The following MACROH2A1 variants were observed in gnomAD, a reference collection of about 807,000 sequenced individuals.
MACROH2A1 encodes core histone macro-H2A.1.
MACROH2A1 carries 2 observed loss-of-function variants against 31.6 expected under a neutral mutation model. The ratio of observed to expected loss-of-function variants is 0.06; its 90% CI spans 0.03 to 0.20. The LOEUF (loss-of-function observed/expected upper bound fraction) is 0.20, where lower values mean the gene tolerates loss of function less well. Among genes scored for constraint, MACROH2A1 ranks in the 10% least tolerant of loss-of-function variants. MACROH2A1 has a pLI of 1.00. For synonymous variants in MACROH2A1, 169 were observed against 189.6 expected (o/e 0.89, Z 0.89); for missense variants, 230 against 474.0 (o/e 0.49, Z 4.78).
At chr5:135,336,705 A>G (rs1758766075) in intron 8 of MACROH2A1, among the ~76,000 whole-genome samples, 2 of 152,210 alleles carry the variant, frequency 1.3e-5, no homozygotes. Flanking sequence ...GGCTCTGCTG[A>G]GAGTGGGCAG....
At chr5:135,337,018 C>A (rs749391422) in intron 8 of MACROH2A1, among the ~76,000 whole-genome samples, 1 of 152,192 alleles carries the variant, frequency 6.6e-6, no homozygotes, top group Non-Finnish European at 1.5e-5. Flanking sequence ...CCTGGATCAA[C>A]GGGGGCTGCA....
At chr5:135,360,694 C>A (rs1762732166) in intron 4 of MACROH2A1, 87 bp from the exon 5 acceptor site, 1 of 918,406 alleles carries the variant, frequency 1.1e-6, no homozygotes, top group East Asian at 2.4e-5. Context: ...ACCCATAACA[C>A]CCAAGGGGAA....
upstream of MACROH2A1, chr5:135,399,811 CATG>C (rs1314119753): frequency 2.6e-5 from 4 of 152,316 alleles, no homozygotes; most frequent in African/African-American, 9.6e-5. This position sits in a 1 kb window ranked among gnomAD's most constrained non-coding sequence, Gnocchi z 4.5. Context: ...CTGCCTTGCA[CATG>C]GAAGCGGTTA....
intron 4 of MACROH2A1, 127 bp from the exon 5 acceptor site, chr5:135,360,734 G>A: frequency 1.4e-6 from 1 of 735,262 alleles, no homozygotes; most frequent in Non-Finnish European, 2.4e-6. Flanking sequence ...CCAGTTCTCA[G>A]CGTTTCTCCA....
At chr5:135,343,596 C>T (rs1046835313) in intron 7 of MACROH2A1, 162 bp from the exon 8 acceptor site, 5 of 1,138,170 alleles carry the variant, frequency 4.4e-6, no homozygotes, top group East Asian at 5.2e-5. Flanking sequence ...GTGATTCCAA[C>T]GTGAGCTGGA....
At chr5:135,336,648 T>A (rs1025055589) in intron 8 of MACROH2A1, among the ~76,000 whole-genome samples, 1 of 149,050 alleles carries the variant, frequency 6.7e-6, no homozygotes, top group African/African-American at 2.6e-5. Context: ...TAGACTAGAC[T>A]AACAGGTGGG....
chr5:135,383,699 T>TGGG (rs140513156), intron 2 of MACROH2A1, among the ~76,000 whole-genome samples: 38 of 118,358 alleles, frequency 3.2e-4, no homozygotes, highest in African/African-American at 1.3e-3. Flanking sequence ...TGATGTGGTG[T>TGGG]GGTGTGTGTG....
intron 1 of MACROH2A1, among the ~76,000 whole-genome samples, chr5:135,392,721 T>C (rs2149982910): frequency 6.6e-6 from 1 of 152,296 alleles, no homozygotes; most frequent in South Asian, 2.1e-4. Context: ...GTGAGGCCAA[T>C]GGCAATTAAG....
chr5:135,383,491 A>G (rs1471522890), intron 2 of MACROH2A1, among the ~76,000 whole-genome samples: 3 of 152,226 alleles, frequency 2.0e-5, no homozygotes, highest in Non-Finnish European at 4.4e-5. Flanking sequence ...AAAAGGGAAC[A>G]TGCACTTAAA....
intron 7 of MACROH2A1, chr5:135,345,581 T>C (rs1389003199): frequency 6.0e-6 from 1 of 167,080 alleles, no homozygotes; most frequent in Admixed American, 6.1e-5. Flanking sequence ...GAAATGTGTA[T>C]TTATATGTTT....
intron 7 of MACROH2A1, chr5:135,344,838 A>C (rs1165559374): frequency 6.6e-6 from 1 of 152,252 alleles, no homozygotes; most frequent in Non-Finnish European, 1.5e-5. Context: ...GCTGTGGCTG[A>C]GGTTTCCCCA....
At chr5:135,370,194 C>T (rs771007741) in intron 2 of MACROH2A1, 52 bp from the exon 3 acceptor site, 18 of 1,135,272 alleles carry the variant, frequency 1.6e-5, no homozygotes, top group Admixed American at 7.9e-5. Context: ...CATGTGTCCC[C>T]GCCCCGGTCC....
chr5:135,370,222 G>A lies in MACROH2A1; in HGVS notation c.173-80C>T, dbSNP rs1164052507. ...CCCGGTCCCCACATTCACAGTGCCA[G>A]GAATGGGCAGAGGCAGCTGCTTCAG... is the stretch of plus-strand genomic sequence containing the variant. On this transcript the variant is annotated intron_variant, in intron 2 of 8. Transcript: ENST00000511689. 1.5e-5 allele frequency: 13 copies of A among 840,768 alleles called. 1 individual carries two copies. The highest frequency in any genetic ancestry group is 2.3e-5 in the Non-Finnish European group (12 of 522,694). The allele number at this position is 840,768 out of a possible 1,614,324, so 52.1% of individuals were successfully genotyped here. A position where few individuals can be genotyped will look rare whatever the true frequency, so the allele number is the denominator to read the frequency against.
At position 135,369,721 on chromosome 5, in the gene MACROH2A1, C is replaced by A; in HGVS notation, c.280-118G>T. ...GTTGGTGCAGCTCCTTCCTCCATGGCATCCTCCATGAGGATGCTGCCAGGA... is the reference window on the plus strand; with the variant it reads ...GTTGGTGCAGCTCCTTCCTCCATGGAATCCTCCATGAGGATGCTGCCAGGA... On this transcript the variant is annotated intron_variant, in intron 3 of 8. Transcript: ENST00000511689. The surrounding 1 kb of genome is among the most constrained non-coding windows in gnomAD (Gnocchi z 4.3). 1.3e-6 allele frequency: 1 copy of A among 744,566 alleles called. No homozygotes were observed. Among genetic ancestry groups the A allele is most frequent in the Non-Finnish European group, 2.3e-6 (1 of 441,848 alleles). The allele number at this position is 744,566 out of a possible 1,614,324, so 46.1% of individuals were successfully genotyped here.
intron 1 of MACROH2A1, among the ~76,000 whole-genome samples, chr5:135,390,023 C>T (rs2149967863): frequency 6.6e-6 from 1 of 152,358 alleles, no homozygotes; most frequent in South Asian, 2.1e-4. Context: ...CCATGTAATG[C>T]CCTAGAAATC....
Position 135,369,733 on chromosome 5 carries a change from G to A in MACROH2A1, c.280-130C>T, listed in dbSNP as rs1763950965. 4.3e-6 allele frequency: 3 copies of A among 694,526 alleles called. No individual in the cohort carries two copies. In the East Asian group the frequency reaches 7.9e-5, roughly 18 times the overall value. The allele number at this position is 694,526 out of a possible 1,614,324, so 43.0% of individuals were successfully genotyped here. On this transcript the variant is annotated intron_variant, in intron 3 of 8. Transcript: ENST00000511689. The surrounding 1 kb of genome is among the most constrained non-coding windows in gnomAD (Gnocchi z 4.3). Reference sequence around the variant, plus strand: ...CCTTCCTCCATGGCATCCTCCATGAGGATGCTGCCAGGACTCAAGCTCACT... The same window carrying A: ...CCTTCCTCCATGGCATCCTCCATGAAGATGCTGCCAGGACTCAAGCTCACT...
intron 2 of MACROH2A1, among the ~76,000 whole-genome samples, chr5:135,374,298 AGGGCATGTTCCTATTCAG>A (rs1451184502): frequency 6.6e-6 from 1 of 152,216 alleles, no homozygotes; most frequent in African/African-American, 2.4e-5. Flanking sequence ...TCTGCTCTCC[AGGGCATGTTCCTATTCAG>A]GGGGGAGCGG....
At chr5:135,335,474 T>C (rs1284378384) in intron 8 of MACROH2A1, among the ~76,000 whole-genome samples, 1 of 152,224 alleles carries the variant, frequency 6.6e-6, no homozygotes, top group Non-Finnish European at 1.5e-5. Flanking sequence ...TTTTCCATGA[T>C]ACCTTTGACT....
intron 2 of MACROH2A1, among the ~76,000 whole-genome samples, chr5:135,372,512 T>C (rs1581267257): frequency 6.6e-6 from 1 of 152,256 alleles, no homozygotes; most frequent in Non-Finnish European, 1.5e-5. Flanking sequence ...AGTGTCCCAA[T>C]GCCCAGCAGT....
Sources: allele counts gnomAD v4.1 joint callset (sites outside exome capture counted in the v4.1 genomes callset), GRCh38; gene constraint gnomAD v4.1.1; non-coding constraint Gnocchi (gnomAD v3.1); transcripts MANE v1.5; gene names NCBI Gene and HGNC (gene_info 2026-07-23, HGNC 2026-07-21).